SGCD: variants seen among roughly 807,000 people sequenced by gnomAD.
The protein encoded by SGCD is delta-sarcoglycan.
Under a neutral mutation model 36.6 loss-of-function variants are expected in SGCD, and 18 were observed. The observed-to-expected ratio is 0.49, with a 90% CI of 0.34 to 0.73. The LOEUF is 0.73. SGCD is among the 30% of genes least tolerant of loss of function. The probability of loss-of-function intolerance (pLI) is 0.01; values close to 1 mark genes in which losing one functional copy is unlikely to be tolerated. For missense variants in SGCD, 387 were observed against 346.7 expected, an observed-to-expected ratio of 1.12 and a Z score of -0.92; for synonymous variants, 133 against 130.6, an observed-to-expected ratio of 1.02 and a Z score of -0.12.
At chr5:156,703,387 T>A (rs533048398) in intron 7 of SGCD, among the ~76,000 whole-genome samples, 3,891 of 151,780 alleles carry the variant, frequency 0.026, 157 homozygotes, top group East Asian at 0.16. Context: ...TATTTCTTTT[T>A]TTTTTTTTCT....
At chr5:156,490,639 T>C (rs538029772) in intron 3 of SGCD, among the ~76,000 whole-genome samples, 1 of 152,148 alleles carries the variant, frequency 6.6e-6, no homozygotes, top group East Asian at 1.9e-4. Flanking sequence ...GGAAAAGTGT[T>C]TTATAAAATT....
intron 3 of SGCD, among the ~76,000 whole-genome samples, chr5:156,443,053 C>G (rs1753566889): frequency 6.6e-6 from 1 of 152,148 alleles, no homozygotes; most frequent in Admixed American, 6.6e-5. Context: ...GGGTCAATCT[C>G]AGCTCACTGC....
chr5:156,107,867 T>G (rs1245288723), intron 1 of SGCD, among the ~76,000 whole-genome samples: 1 of 152,166 alleles, frequency 6.6e-6, no homozygotes. Context: ...TAATAAATAA[T>G]GTAGAAACAT....
chr5:155,850,613 G>A, the SGCD span, among the ~76,000 whole-genome samples: 4 of 152,266 alleles, frequency 2.6e-5, no homozygotes, highest in South Asian at 8.3e-4. Context: ...ATCTGCTAGG[G>A]AGCAGCTGCA....
chr5:156,000,647 CT>C (rs1758644204), intron 1 of SGCD, among the ~76,000 whole-genome samples: 2 of 152,098 alleles, frequency 1.3e-5, no homozygotes, highest in South Asian at 4.2e-4. Context: ...CACCTTCCCC[CT>C]GCCTCCTTAC....
At chr5:155,960,766 C>T (rs1186352492) in intron 1 of SGCD, among the ~76,000 whole-genome samples, 1 of 152,022 alleles carries the variant, frequency 6.6e-6, no homozygotes, top group African/African-American at 2.4e-5. Flanking sequence ...TCAATGAGTT[C>T]ACACAAGAAA....
chr5:156,682,272 A>G (rs1322241694), intron 7 of SGCD, among the ~76,000 whole-genome samples: 1 of 152,248 alleles, frequency 6.6e-6, no homozygotes, highest in Non-Finnish European at 1.5e-5. Context: ...ATACACAAGT[A>G]GTAAATGTAT....
chr5:156,372,942 T>C (rs1353901137), intron 3 of SGCD, among the ~76,000 whole-genome samples: 1 of 146,604 alleles, frequency 6.8e-6, no homozygotes, highest in East Asian at 1.9e-4. Context: ...TGCCTTTGTG[T>C]TTCCACCCTG....
Position 156,063,646 on chromosome 5 carries a change from T to C in SGCD, c.-281-54232T>C, listed in dbSNP as rs1231142103. Among the ~76,000 whole-genome samples, 34 of 27,436 alleles carry C rather than the reference T, an allele frequency of 1.2e-3. 2 individuals are homozygous for C. The highest frequency in any genetic ancestry group is 8.5e-3 in the African/African-American group (34 of 4,002). 18.0% of individuals were successfully genotyped at this position (27,436 alleles called of 152,430 possible). A position where few individuals can be genotyped will look rare whatever the true frequency, so the allele number is the denominator to read the frequency against. ...TTGTAGTTCTCCTTGAAGAGGTCCTTCACATCCCTTGTAAGTTGGATTCCT... is the reference window on the plus strand; with the variant it reads ...TTGTAGTTCTCCTTGAAGAGGTCCTCCACATCCCTTGTAAGTTGGATTCCT... On this transcript the variant is annotated intron_variant, in intron 1 of 9. Coordinates refer to the SGCD transcript ENST00000517913.
At chr5:156,516,411 C>A (rs564565230) in intron 4 of SGCD, among the ~76,000 whole-genome samples, 1 of 152,296 alleles carries the variant, frequency 6.6e-6, no homozygotes, top group East Asian at 1.9e-4. Flanking sequence ...GGCCCCCCAG[C>A]AAACTGCAGC....
chr5:156,644,430 G>A (rs1349027328), intron 6 of SGCD, among the ~76,000 whole-genome samples: 1 of 151,834 alleles, frequency 6.6e-6, no homozygotes, highest in African/African-American at 2.4e-5. Flanking sequence ...GGGCTTTGAT[G>A]TTTTAGTTAA....
chr5:155,873,150 C>A (rs1755694716), intron 1 of SGCD, among the ~76,000 whole-genome samples: 1 of 152,132 alleles, frequency 6.6e-6, no homozygotes, highest in African/African-American at 2.4e-5. Context: ...CCCTCCCTCC[C>A]CAGTAGAATC....
At chr5:156,752,039 A>C (rs1757164940) in intron 7 of SGCD, among the ~76,000 whole-genome samples, 1 of 152,250 alleles carries the variant, frequency 6.6e-6, no homozygotes, top group Non-Finnish European at 1.5e-5. Context: ...GTTCGACAGT[A>C]GAATGGACAA....
At chr5:155,842,126 C>T in the SGCD span, among the ~76,000 whole-genome samples, 2 of 151,326 alleles carry the variant, frequency 1.3e-5, no homozygotes, top group Non-Finnish European at 2.9e-5. Context: ...GGGAAGAAAG[C>T]GAGAAAGATG....
At position 156,676,170 on chromosome 5, in the gene SGCD, C is replaced by T. The variant is rs754830136; in HGVS notation, c.575+28634C>T. Among the ~76,000 whole-genome samples, 3 of 152,056 alleles carry T rather than the reference C, an allele frequency of 2.0e-5. No individual in the cohort carries two copies. The South Asian group carries it at 6.2e-4, about 32-fold the overall frequency. On this transcript the variant is annotated intron_variant, in intron 7 of 8. Coordinates refer to ENST00000337851, the MANE Select transcript of SGCD (RefSeq NM_000337.6). ...TTTTTGATCCTCCATTAAGTTGTGC[C>T]CCCTTATGAGTTATATTGTGTTCTT...
the SGCD span, among the ~76,000 whole-genome samples, chr5:155,819,315 CAAA>C: frequency 6.6e-6 from 1 of 152,010 alleles, no homozygotes; most frequent in Non-Finnish European, 1.5e-5. Flanking sequence ...GTTCTCTTTC[CAAA>C]TGAGAATAAC....
At chr5:156,061,907 C>T (rs10069855) in intron 1 of SGCD, among the ~76,000 whole-genome samples, 5,723 of 115,022 alleles carry the variant, frequency 0.05, 1,461 homozygotes, top group African/African-American at 0.24. Flanking sequence ...GTGATAATTC[C>T]AGGAGTTTTC....
At chr5:156,638,744 A>G (rs1379600283) in intron 6 of SGCD, among the ~76,000 whole-genome samples, 2 of 152,148 alleles carry the variant, frequency 1.3e-5, no homozygotes, top group East Asian at 1.9e-4. Context: ...TACACTGAGC[A>G]TGAGTTCCGG....
intron 3 of SGCD, among the ~76,000 whole-genome samples, chr5:156,482,838 T>TTTTTC (rs1755498340): frequency 1.4e-5 from 2 of 146,860 alleles, no homozygotes; most frequent in Non-Finnish European, 3.0e-5. Flanking sequence ...TTTTTTTTTT[T>TTTTTC]AAGTAAGCTG....
Sources: gnomAD v4.1 joint callset for allele counts (sites outside exome capture counted in the v4.1 genomes callset) on GRCh38, gnomAD v4.1.1 for gene constraint, MANE v1.5 for transcripts, NCBI Gene and HGNC (gene_info 2026-07-23, HGNC 2026-07-21) for gene names.